The following CSTPP1 variants were observed in gnomAD, a reference collection of about 807,000 sequenced individuals.
CSTPP1 encodes UPF0705 protein C11orf49.
At chr11:46,949,723 A>C in the CSTPP1 span, among the ~76,000 whole-genome samples, 7 of 150,474 alleles carry the variant, frequency 4.7e-5, no homozygotes, top group Admixed American at 2.7e-4. Context: ...GCTGGAGTGC[A>C]ATGGCACAAT....
At chr11:46,996,911 T>C in the CSTPP1 span, among the ~76,000 whole-genome samples, 1 of 152,260 alleles carries the variant, frequency 6.6e-6, no homozygotes, top group African/African-American at 2.4e-5. Context: ...GTAGAGTTTC[T>C]GCCAAGAGAT....
chr11:47,109,715 C>T, the CSTPP1 span, among the ~76,000 whole-genome samples: 1 of 152,184 alleles, frequency 6.6e-6, no homozygotes, highest in Non-Finnish European at 1.5e-5. Flanking sequence ...CTTCCACAGC[C>T]CTTGCCTTAT....
At chr11:46,937,884 G>T in the CSTPP1 span, among the ~76,000 whole-genome samples, 1 of 144,738 alleles carries the variant, frequency 6.9e-6, no homozygotes, top group Admixed American at 6.7e-5. Context: ...TTTTAAAGAC[G>T]TTTTGTTTTG....
At chr11:47,059,570 A>G in the CSTPP1 span, among the ~76,000 whole-genome samples, 1 of 152,236 alleles carries the variant, frequency 6.6e-6, no homozygotes, top group African/African-American at 2.4e-5. Flanking sequence ...TTCTAAAAAC[A>G]GGGAACACGA....
At chr11:47,031,896 A>G in the CSTPP1 span, among the ~76,000 whole-genome samples, 4 of 152,186 alleles carry the variant, frequency 2.6e-5, no homozygotes, top group African/African-American at 9.7e-5. Context: ...GATAGCCAGT[A>G]AACTGAAGAA....
the CSTPP1 span, among the ~76,000 whole-genome samples, chr11:47,015,006 A>G: frequency 1.3e-5 from 2 of 152,208 alleles, no homozygotes; most frequent in African/African-American, 2.4e-5. Flanking sequence ...GACACAAATT[A>G]CCAATATCAG....
At chr11:47,124,037 G>A in the CSTPP1 span, among the ~76,000 whole-genome samples, 2 of 145,118 alleles carry the variant, frequency 1.4e-5, no homozygotes, top group East Asian at 2.1e-4. Flanking sequence ...ATCCTAGAAT[G>A]TTAAACCCAA....
chr11:47,101,202 G>GTTT, the CSTPP1 span, among the ~76,000 whole-genome samples: 15 of 32,994 alleles, frequency 4.5e-4, no homozygotes, highest in African/African-American at 2.0e-3. Context: ...TTTATTTTTA[G>GTTT]TAGAGATGGG....
chr11:47,042,629 C>G, the CSTPP1 span, among the ~76,000 whole-genome samples: 1 of 151,882 alleles, frequency 6.6e-6, no homozygotes, highest in African/African-American at 2.4e-5. Context: ...AAATTAAAAT[C>G]TTCAAGGAAA....
At chr11:47,035,668 G>A in the CSTPP1 span, among the ~76,000 whole-genome samples, 1 of 152,024 alleles carries the variant, frequency 6.6e-6, no homozygotes, top group Non-Finnish European at 1.5e-5. Flanking sequence ...TGTCAGTTTT[G>A]CTAAATGTTA....
the CSTPP1 span, among the ~76,000 whole-genome samples, chr11:47,060,258 CTTTTTTTTTT>C: frequency 4.0e-5 from 4 of 99,016 alleles, no homozygotes; most frequent in Non-Finnish European, 5.8e-5. Flanking sequence ...CTTTTCTTTT[CTTTTTTTTTT>C]TTTTTTTTTT....
chr11:46,950,990 G>T, the CSTPP1 span, among the ~76,000 whole-genome samples: 2 of 152,128 alleles, frequency 1.3e-5, no homozygotes, highest in African/African-American at 4.8e-5. Context: ...TATGCAGGAG[G>T]ACTGAAGGAG....
the CSTPP1 span, among the ~76,000 whole-genome samples, chr11:47,044,825 C>T: frequency 2.0e-5 from 3 of 152,126 alleles, no homozygotes; most frequent in African/African-American, 4.8e-5. Flanking sequence ...GGGAGGATCA[C>T]TTGAACCCAG....
chr11:47,090,508 T>C, the CSTPP1 span, among the ~76,000 whole-genome samples: 1 of 152,188 alleles, frequency 6.6e-6, no homozygotes, highest in African/African-American at 2.4e-5. Context: ...TTTTACATAT[T>C]AACATATATA....
At chr11:46,936,873 G>C in the CSTPP1 span, 3 of 1,559,474 alleles carry the variant, frequency 1.9e-6, no homozygotes, top group African/African-American at 4.2e-5. Flanking sequence ...CTTTAACTTT[G>C]GGGAGGGAAA....
chr11:47,130,238 A>G, the CSTPP1 span, among the ~76,000 whole-genome samples: 1 of 151,472 alleles, frequency 6.6e-6, no homozygotes, highest in African/African-American at 2.4e-5. Context: ...GCCTGGCGAC[A>G]GAGCAAGACT....
At chr11:47,031,168 A>T in the CSTPP1 span, among the ~76,000 whole-genome samples, 1 of 152,236 alleles carries the variant, frequency 6.6e-6, no homozygotes, top group African/African-American at 2.4e-5. Context: ...TGTGGAATTG[A>T]CATCATACAT....
chr11:47,136,409 T>C, the CSTPP1 span, among the ~76,000 whole-genome samples: 9 of 152,130 alleles, frequency 5.9e-5, no homozygotes, highest in Non-Finnish European at 1.3e-4. Flanking sequence ...CACAAAACCA[T>C]CTTGATCCTT....
the CSTPP1 span, among the ~76,000 whole-genome samples, chr11:46,948,670 C>G: frequency 6.6e-6 from 1 of 152,110 alleles, no homozygotes. Context: ...GTTTTATACA[C>G]TCCTCATGAC....
Sources: allele counts gnomAD v4.1 joint callset (sites outside exome capture counted in the v4.1 genomes callset), GRCh38; gene constraint gnomAD v4.1.1; transcripts MANE v1.5; gene names NCBI Gene and HGNC (gene_info 2026-07-23, HGNC 2026-07-21).